SH2B1: variants seen among roughly 807,000 people sequenced by gnomAD.
SH2B1 encodes SH2B adapter protein 1.
SH2B1 carries 15 observed loss-of-function variants against 62.6 expected under a neutral mutation model. That is an observed-to-expected ratio of 0.24 (90% confidence interval 0.16 to 0.37). The LOEUF is 0.37. Ranked by LOEUF, SH2B1 falls within the 10% of genes least tolerant of loss-of-function variation. The probability of loss-of-function intolerance (pLI) is 1.00; values close to 1 mark genes in which losing one functional copy is unlikely to be tolerated. For synonymous variants in SH2B1, 443 were observed against 438.0 expected (o/e 1.01, Z -0.14); for missense variants, 925 against 1,015.6 (o/e 0.91, Z 1.21).
In SH2B1 at chr16:28,864,152, T is replaced by C; in HGVS notation, c.-1943T>C. 2.6e-6 allele frequency: 3 copies of C among 1,154,820 alleles called. No homozygotes were observed. Among genetic ancestry groups the C allele is most frequent in the Non-Finnish European group, 3.2e-6 (3 of 932,542 alleles). The allele number at this position is 1,154,820 out of a possible 1,614,324, so 71.5% of individuals were successfully genotyped here. ...GGGCGGCTGGGGGGTGTCCAGGGAG[T>C]AGGGTCGGATCGGAGTATATGGACC... On this transcript the variant is annotated 5_prime_UTR_variant, in exon 1 of 8. It removes the in-frame stop codon of an upstream open reading frame in the 5' UTR. Coordinates refer to ENST00000684370, the MANE Select transcript of SH2B1 (RefSeq NM_001387430.1).
intron 1 of SH2B1, among the ~76,000 whole-genome samples, chr16:28,851,784 AT>A (rs1238876990): frequency 6.8e-6 from 1 of 147,932 alleles, no homozygotes; most frequent in African/African-American, 2.5e-5. Flanking sequence ...AAATACATAT[AT>A]TGGCCAGGCA....
chr16:28,863,816 G>C (rs531476933), upstream of SH2B1: 1 of 1,534,878 alleles, frequency 6.5e-7, no homozygotes, highest in East Asian at 2.4e-5. Context: ...CTTCAGCGAC[G>C]GGAAAGGGGG....
Position 28,873,678 on chromosome 16 carries a change from C to G in SH2B1, c.2129C>G (p.Pro710Arg). ...PVVELEEAIAPGSEAQGAGSG... is the reference protein window; with the variant it reads ...PVVELEEAIARGSEAQGAGSG... ...GTTGAATTGGAAGAGGCCATAGCCC[C>G]AGGCTCAGAGGCCCAGGGCGCTGGG... The change falls in exon 8 of 8, where the codon CCA becomes CGA. Residue 710 changes from proline (P) to arginine (R), a missense_variant. Pro to Arg is a moderately radical substitution (Grantham distance 103). Transcript: ENST00000684370. This position sits in a 1 kb window ranked among gnomAD's most constrained non-coding sequence, Gnocchi z 4.2. The G allele has an allele frequency of 6.6e-7, 1 of 1,523,248 alleles. No homozygotes were observed. Among genetic ancestry groups the G allele is most frequent in the Non-Finnish European group, 8.8e-7 (1 of 1,132,986 alleles). The allele number at this position is 1,523,248 out of a possible 1,614,324, so 94.4% of individuals were successfully genotyped here.
intron 1 of SH2B1, among the ~76,000 whole-genome samples, chr16:28,850,312 G>A (rs955510667): frequency 2.6e-5 from 4 of 152,110 alleles, no homozygotes; most frequent in African/African-American, 7.2e-5. Flanking sequence ...AGCTACTGCC[G>A]GGGGCACTGA....
intron 1 of SH2B1, among the ~76,000 whole-genome samples, chr16:28,849,302 G>C (rs984118964): frequency 6.6e-6 from 1 of 152,028 alleles, no homozygotes; most frequent in Non-Finnish European, 1.5e-5. Flanking sequence ...CGCCATGTTG[G>C]CCAGGCTGGT....
In SH2B1 at chr16:28,873,598, G is replaced by A. The variant is rs371917365; in HGVS notation, c.2049G>A (p.Ala683=). ...AAKERQEKEK[A]GGGGVPEELV... ...AAGAGAGGCAAGAGAAAGAGAAAGC[G>A]GGCGGTGGAGGGGTCCCGGAAGAGC... Residue 683 remains alanine, a synonymous_variant, in exon 8 of 8, where the codon GCG becomes GCA. Transcript: ENST00000684370. The surrounding 1 kb of genome is among the most constrained non-coding windows in gnomAD (Gnocchi z 4.2). The A allele has an allele frequency of 1.3e-4, 200 of 1,556,966 alleles. No homozygotes were observed. In the African/African-American group the frequency reaches 2.5e-3, roughly 19 times the overall value.
intron 1 of SH2B1, among the ~76,000 whole-genome samples, chr16:28,848,098 C>A (rs1224794181): frequency 5.3e-5 from 8 of 151,668 alleles, no homozygotes; most frequent in African/African-American, 1.9e-4. Flanking sequence ...AGTGCTGGGA[C>A]TACAGGCGTG....
At chr16:28,869,422 C>T in intron 4 of SH2B1, 39 bp downstream of exon 4, 1 of 1,583,472 alleles carries the variant, frequency 6.3e-7, no homozygotes, top group Non-Finnish European at 8.6e-7. Context: ...GCCTCGGAAC[C>T]TGCCATGCGG....
intron 1 of SH2B1, among the ~76,000 whole-genome samples, chr16:28,855,949 G>C (rs1230828480): frequency 1.3e-5 from 2 of 150,054 alleles, no homozygotes; most frequent in Non-Finnish European, 3.0e-5. Context: ...GGGATTACAG[G>C]TGTGAGCCAC....
chr16:28,862,707 C>T (rs1165728385), upstream of SH2B1: 1 of 147,214 alleles, frequency 6.8e-6, no homozygotes, highest in African/African-American at 2.5e-5. Flanking sequence ...CCTCTGCCTC[C>T]CGGGTTCAAG....
At chr16:28,850,891 A>G (rs1445713716) in intron 1 of SH2B1, among the ~76,000 whole-genome samples, 1 of 150,068 alleles carries the variant, frequency 6.7e-6, no homozygotes, top group Non-Finnish European at 1.5e-5. Context: ...GAAATTAAAA[A>G]GGGCCGGACG....
chr16:28,851,962 G>A (rs1266555647), intron 1 of SH2B1, among the ~76,000 whole-genome samples: 2 of 149,506 alleles, frequency 1.3e-5, no homozygotes, highest in Non-Finnish European at 3.0e-5. Context: ...AGCTACTCAG[G>A]AGGCTGAGGC....
At position 28,852,437 on chromosome 16, in the gene SH2B1, T is replaced by TAC. The variant is rs1962149723; in HGVS notation, c.-301+5611_-301+5612insCA. Among the ~76,000 whole-genome samples the TAC allele has an allele frequency of 1.2e-4, 6 of 49,704 alleles. 3 individuals carry two copies. Among genetic ancestry groups the TAC allele is most frequent in the African/African-American group, 1.7e-4 (2 of 11,564 alleles). The allele number at this position is 49,704 out of a possible 152,430, so 32.6% of individuals were successfully genotyped here. On this transcript the variant is annotated intron_variant, in intron 1 of 10. Coordinates refer to the SH2B1 transcript ENST00000322610. Reference sequence around the variant, plus strand: ...ATATTTATATATTTACATATATATTTATATATATATTTACATATATATTTA... The same window carrying TAC: ...ATATTTATATATTTACATATATATTTACATATATATATTTACATATATATTTA...
At chr16:28,863,633 A>G, upstream of SH2B1, 2 of 1,512,088 alleles carry the variant, frequency 1.3e-6, no homozygotes, top group Non-Finnish European at 1.8e-6. Context: ...GTGGGATCCA[A>G]GCACTTCCCC....
At chr16:28,854,853 C>G (rs1279003479) in intron 1 of SH2B1, among the ~76,000 whole-genome samples, 1 of 152,166 alleles carries the variant, frequency 6.6e-6, no homozygotes, top group Non-Finnish European at 1.5e-5. Flanking sequence ...ATTTTCCTCA[C>G]TCCCCTGGCT....
At position 28,863,843 on chromosome 16, in the gene SH2B1, G is replaced by T; in HGVS notation, c.-2252G>T. On this transcript the variant is annotated 5_prime_UTR_variant, in exon 1 of 8. Coordinates refer to ENST00000684370, the MANE Select transcript of SH2B1 (RefSeq NM_001387430.1). ...GAAAGGGGGTCCTGACGCCTGCGCG[G>T]AACCGGGCTGGGCGCTCGTCGCGTA... The T allele has an allele frequency of 6.5e-7, 1 of 1,531,474 alleles. No individual in the cohort carries two copies. Among genetic ancestry groups the T allele is most frequent in the Admixed American group, 2.0e-5 (1 of 50,694 alleles). The allele number at this position is 1,531,474 out of a possible 1,614,324, so 94.9% of individuals were successfully genotyped here.
At chr16:28,863,643 C>T, upstream of SH2B1, 1 of 1,525,600 alleles carries the variant, frequency 6.6e-7, no homozygotes, top group South Asian at 1.2e-5. Flanking sequence ...AGCACTTCCC[C>T]CGCTGCGTCT....
chr16:28,847,790 C>T (rs1038205494), intron 1 of SH2B1, among the ~76,000 whole-genome samples: 1 of 150,946 alleles, frequency 6.6e-6, no homozygotes, highest in Middle Eastern at 3.2e-3. Flanking sequence ...CTGCACCCCA[C>T]CGTGAGTGAC....
Position 28,872,252 on chromosome 16 carries a change from C to G in SH2B1, c.1576C>G (p.Pro526Ala), listed in dbSNP as rs1430414099. Residue 526 changes from proline to alanine, a missense_variant, in exon 6 of 8, where the codon CCT becomes GCT. By Grantham distance (27) the Pro-to-Ala change is conservative. Coordinates refer to ENST00000684370, the MANE Select transcript of SH2B1 (RefSeq NM_001387430.1). The surrounding 1 kb of genome is among the most constrained non-coding windows in gnomAD (Gnocchi z 5.3). ...GGGGGACCAGCCCCTCTCAGGGTAT[C>G]CTTGGTTCCACGGGATGCTCTCTCG... Reference protein sequence around the residue: ...GEGDQPLSGYPWFHGMLSRLK... With the variant: ...GEGDQPLSGYAWFHGMLSRLK... 6.2e-7 allele frequency: 1 copy of G among 1,614,048 alleles called. No individual in the cohort carries two copies. Among genetic ancestry groups the G allele is most frequent in the Non-Finnish European group, 8.5e-7 (1 of 1,179,928 alleles).
Sources: gnomAD v4.1 joint callset for allele counts (sites outside exome capture counted in the v4.1 genomes callset) on GRCh38, gnomAD v4.1.1 for gene constraint, Gnocchi (gnomAD v3.1) non-coding constraint, MANE v1.5 for transcripts, NCBI Gene and HGNC (gene_info 2026-07-23, HGNC 2026-07-21) for gene names.